The following PTPRT variants were observed in gnomAD, a reference collection of about 807,000 sequenced individuals.
The protein encoded by PTPRT is protein tyrosine phosphatase receptor type T.
In PTPRT, 56 loss-of-function variants were observed where a neutral mutation model predicts 176.8. The ratio of observed to expected loss-of-function variants is 0.32; its 90% CI spans 0.26 to 0.40. The LOEUF is 0.40. Ranked by LOEUF, PTPRT falls within the 10% of genes least tolerant of loss-of-function variation. The pLI, the probability that PTPRT is intolerant of heterozygous loss-of-function variation, is 1.00. For synonymous variants in PTPRT, 783 were observed against 739.0 expected (o/e 1.06, Z -0.96); for missense variants, 1,540 against 1,908.2 (o/e 0.81, Z 3.60).
At chr20:42,694,040 C>CCT (rs778233193) in intron 6 of PTPRT, among the ~76,000 whole-genome samples, 8 of 138,440 alleles carry the variant, frequency 5.8e-5, no homozygotes, top group Admixed American at 7.2e-5. Context: ...ATTTTATTTT[C>CCT]TTTTTTTTTT....
At chr20:42,660,370 A>T (rs1408622895) in intron 7 of PTPRT, among the ~76,000 whole-genome samples, 2 of 152,008 alleles carry the variant, frequency 1.3e-5, no homozygotes, top group Non-Finnish European at 2.9e-5. Flanking sequence ...CCAGTCCATC[A>T]CTGTTTGGGG....
At position 43,162,719 on chromosome 20, in the gene PTPRT, G is replaced by A. The variant is rs1334604806; in HGVS notation, c.88+26927C>T. Among the ~76,000 whole-genome samples, 3 of 127,228 alleles carry A rather than the reference G, an allele frequency of 2.4e-5. 1 individual carries two copies. The highest frequency in any genetic ancestry group is 1.7e-4 in the Admixed American group (2 of 11,620). 83.5% of individuals were successfully genotyped at this position (127,228 alleles called of 152,430 possible). ...CCCTTCCCTTCAGCCACACCAGTCA[G>A]TCACCCATGGTTCCAACCACACCAA... is the stretch of plus-strand genomic sequence containing the variant. On this transcript the variant is annotated intron_variant, in intron 1 of 30. Coordinates refer to ENST00000373187, the MANE Select transcript of PTPRT (RefSeq NM_007050.6).
intron 7 of PTPRT, among the ~76,000 whole-genome samples, chr20:42,645,160 G>A (rs2074860844): frequency 1.3e-5 from 2 of 152,160 alleles, no homozygotes; most frequent in South Asian, 4.1e-4. Flanking sequence ...TCAAGACAGA[G>A]GAGTGTGACA....
chr20:42,237,194 G>C (rs1337725979), intron 14 of PTPRT, among the ~76,000 whole-genome samples: 1 of 152,214 alleles, frequency 6.6e-6, no homozygotes, highest in African/African-American at 2.4e-5. Context: ...CCAAAGTGAA[G>C]ACACATGAGA....
chr20:42,478,315 C>T (rs896556435), intron 7 of PTPRT, among the ~76,000 whole-genome samples: 3 of 152,156 alleles, frequency 2.0e-5, no homozygotes, highest in Non-Finnish European at 2.9e-5. Context: ...GTGTGACTGA[C>T]CCACTCAGGT....
intron 7 of PTPRT, among the ~76,000 whole-genome samples, chr20:42,523,812 A>G (rs2072220731): frequency 6.6e-6 from 1 of 152,022 alleles, no homozygotes; most frequent in African/African-American, 2.4e-5. Context: ...TAATATATAT[A>G]TATCTGCATC....
chr20:43,181,502 C>T (rs552470489), intron 1 of PTPRT, among the ~76,000 whole-genome samples: 2 of 152,252 alleles, frequency 1.3e-5, no homozygotes, highest in East Asian at 1.9e-4. Context: ...GAAAAAAAGA[C>T]ACGGTGACCT....
At chr20:42,776,321 T>C (rs2145483491) in intron 4 of PTPRT, among the ~76,000 whole-genome samples, 1 of 152,292 alleles carries the variant, frequency 6.6e-6, no homozygotes, top group East Asian at 1.9e-4. Flanking sequence ...GTATCTCAAA[T>C]GTTCCTATTT....
chr20:42,520,006 CATA>C (rs1374812152), intron 7 of PTPRT, among the ~76,000 whole-genome samples: 5 of 152,018 alleles, frequency 3.3e-5, no homozygotes, highest in Non-Finnish European at 7.4e-5. Context: ...TTCATTTTTT[CATA>C]ATAATTTTTT....
At chr20:42,295,379 T>C (rs913036315) in intron 12 of PTPRT, among the ~76,000 whole-genome samples, 2 of 152,172 alleles carry the variant, frequency 1.3e-5, no homozygotes, top group Non-Finnish European at 2.9e-5. Context: ...GTTTTTCATA[T>C]AGCAAAGCTA....
At chr20:42,615,878 T>G (rs1432210506) in intron 7 of PTPRT, among the ~76,000 whole-genome samples, 4 of 115,416 alleles carry the variant, frequency 3.5e-5, no homozygotes, top group Non-Finnish European at 5.1e-5. Flanking sequence ...TTTCTCCCAT[T>G]TTGTAGGTTG....
intron 12 of PTPRT, among the ~76,000 whole-genome samples, chr20:42,305,691 C>T (rs577132748): frequency 2.1e-4 from 32 of 152,182 alleles, no homozygotes; most frequent in East Asian, 3.9e-4. Context: ...AGAGTTATCA[C>T]GCCTACCATT....
intron 1 of PTPRT, among the ~76,000 whole-genome samples, chr20:42,960,607 T>G (rs909560540): frequency 2.0e-5 from 3 of 152,168 alleles, no homozygotes; most frequent in African/African-American, 7.2e-5. Flanking sequence ...TGGGTATGTG[T>G]AGTCGCCAGC....
intron 11 of PTPRT, among the ~76,000 whole-genome samples, chr20:42,339,515 A>G (rs2058084001): frequency 6.6e-6 from 1 of 152,184 alleles, no homozygotes; most frequent in Admixed American, 6.5e-5. Context: ...CCTATATCAC[A>G]AGAATGAGCA....
intron 7 of PTPRT, among the ~76,000 whole-genome samples, chr20:42,634,045 ATATATAT>A (rs2074524157): frequency 3.3e-5 from 1 of 30,232 alleles, no homozygotes; most frequent in Non-Finnish European, 5.3e-5. Context: ...TATATATTAT[ATATATAT>A]TATAAATATA....
intron 8 of PTPRT, among the ~76,000 whole-genome samples, chr20:42,459,031 A>C (rs4594514): frequency 0.073 from 11,129 of 152,242 alleles, 629 homozygotes; most frequent in East Asian, 0.16. Context: ...AAGAGAGACA[A>C]AGAGTGTGCT....
chr20:42,322,057 G>C (rs2057806622), intron 11 of PTPRT, among the ~76,000 whole-genome samples: 1 of 152,106 alleles, frequency 6.6e-6, no homozygotes, highest in African/African-American at 2.4e-5. Context: ...GGGTAACAGA[G>C]CAAGACTCTG....
chr20:42,977,672 A>G (rs985051172), intron 1 of PTPRT, among the ~76,000 whole-genome samples: 1 of 152,242 alleles, frequency 6.6e-6, no homozygotes, highest in Non-Finnish European at 1.5e-5. Context: ...TAAACTAAAT[A>G]GAGTGTGACT....
At chr20:43,075,755 G>A (rs1485351893) in intron 1 of PTPRT, among the ~76,000 whole-genome samples, 1 of 152,188 alleles carries the variant, frequency 6.6e-6, no homozygotes, top group Non-Finnish European at 1.5e-5. Context: ...AATCTGAAAT[G>A]GAGAGCATGT....
Sources: allele counts gnomAD v4.1 joint callset (sites outside exome capture counted in the v4.1 genomes callset), GRCh38; gene constraint gnomAD v4.1.1; transcripts MANE v1.5; gene names NCBI Gene and HGNC (gene_info 2026-07-23, HGNC 2026-07-21).